Variants in GBP7 observed in about 807,000 individuals in gnomAD.
The protein encoded by GBP7 is guanylate-binding protein 7.
GBP7 carries 43 observed loss-of-function variants against 61.3 expected under a neutral mutation model. That is an observed-to-expected ratio of 0.70 (90% CI 0.55 to 0.91). The LOEUF (loss-of-function observed/expected upper bound fraction) is 0.91. Among genes scored for constraint, GBP7 ranks in the 40% least tolerant of loss-of-function variants. The pLI is 0.00. For synonymous variants in GBP7, 267 were observed against 271.0 expected (o/e 0.99, Z 0.14); for missense variants, 717 against 740.5 (o/e 0.97, Z 0.37).
chr1:89,170,741 A>G (rs1647574522), intron 2 of GBP7, among the ~76,000 whole-genome samples: 1 of 152,234 alleles, frequency 6.6e-6, no homozygotes, highest in African/African-American at 2.4e-5. Flanking sequence ...AAGGGCTTTC[A>G]TGTATACTTT....
At chr1:89,136,766 A>G (rs979882477) in intron 9 of GBP7, among the ~76,000 whole-genome samples, 5 of 152,166 alleles carry the variant, frequency 3.3e-5, no homozygotes, top group African/African-American at 1.2e-4. Context: ...ACAAAAGTGA[A>G]CCAAGCACAA....
intron 2 of GBP7, among the ~76,000 whole-genome samples, chr1:89,171,099 C>G (rs1326020587): frequency 6.6e-6 from 1 of 152,138 alleles, no homozygotes; most frequent in East Asian, 1.9e-4. Flanking sequence ...AAATCCCCTG[C>G]TTATTCCTGA....
chr1:89,143,461 A>G (rs1681997462), intron 8 of GBP7, among the ~76,000 whole-genome samples: 1 of 152,196 alleles, frequency 6.6e-6, no homozygotes, highest in Admixed American at 6.5e-5. Context: ...TTTGGACACT[A>G]CTGTTTTAGG....
At chr1:89,143,430 G>T (rs557448850) in intron 8 of GBP7, among the ~76,000 whole-genome samples, 1 of 152,294 alleles carries the variant, frequency 6.6e-6, no homozygotes, top group South Asian at 2.1e-4. Flanking sequence ...ATTTTTATCT[G>T]ATCTGAATTT....
At chr1:89,165,684 C>T (rs759256442) in intron 2 of GBP7, among the ~76,000 whole-genome samples, 17 of 151,540 alleles carry the variant, frequency 1.1e-4, no homozygotes, top group Non-Finnish European at 2.1e-4. Flanking sequence ...AACCAAACAT[C>T]ACATGTTCTC....
At chr1:89,161,234 T>C (rs1036385498) in intron 3 of GBP7, among the ~76,000 whole-genome samples, 6 of 151,084 alleles carry the variant, frequency 4.0e-5, no homozygotes, top group African/African-American at 1.2e-4. Flanking sequence ...TAATGAATAT[T>C]CACGTACACG....
At chr1:89,163,552 C>T (rs1647334734) in intron 3 of GBP7, among the ~76,000 whole-genome samples, 1 of 150,302 alleles carries the variant, frequency 6.7e-6, no homozygotes, top group Admixed American at 6.6e-5. Context: ...TAGTTTATGT[C>T]CATGGAGGTT....
chr1:89,136,876 G>A (rs1290112667), intron 9 of GBP7, among the ~76,000 whole-genome samples: 2 of 151,420 alleles, frequency 1.3e-5, no homozygotes, highest in East Asian at 3.9e-4. Flanking sequence ...TGGTTCTCTG[G>A]AAAAATACAT....
intron 2 of GBP7, among the ~76,000 whole-genome samples, chr1:89,166,377 G>A (rs1234912544): frequency 6.6e-6 from 1 of 152,180 alleles, no homozygotes; most frequent in Non-Finnish European, 1.5e-5. Flanking sequence ...CAGGAGTGGA[G>A]TAGTGAGAAT....
chr1:89,142,665 G>A (rs1196175285), intron 8 of GBP7, among the ~76,000 whole-genome samples: 1 of 152,136 alleles, frequency 6.6e-6, no homozygotes, highest in Non-Finnish European at 1.5e-5. Context: ...ACATGGGAAG[G>A]AAAAAGAGGC....
chr1:89,164,762 A>C lies in GBP7; in HGVS notation c.287T>G (p.Leu96Arg). 5 of 1,614,002 alleles carry C rather than the reference A, an allele frequency of 3.1e-6. No individual in the cohort carries two copies. The highest frequency in any genetic ancestry group is 3.4e-6 in the Non-Finnish European group (4 of 1,179,904). The part of the protein sequence containing the change: ...PSKPNHTLIL[L>R]DTEGLGDMEK... ...CATATCACCCAGGCCCTCCGTGTCCAGAAGGATCAGGGTGTGGTTTGGCTT... is the reference window on the plus strand; with the variant it reads ...CATATCACCCAGGCCCTCCGTGTCCCGAAGGATCAGGGTGTGGTTTGGCTT... The change falls in exon 3 of 11, where the codon CTG becomes CGG. Residue 96 changes from leucine to arginine, a missense_variant. This residue lies in a region of GBP7 where 387 missense variants were observed against 385.2 expected (regional missense o/e 1.00). Coordinates refer to ENST00000294671, the MANE Select transcript of GBP7 (RefSeq NM_207398.3).
In GBP7 at chr1:89,150,441, C is replaced by T; in HGVS notation, c.760G>A (p.Glu254Lys). Residue 254 changes from glutamate to lysine, a missense_variant, in exon 6 of 11, where the codon GAA (glutamate) becomes AAA (lysine). By Grantham distance (56) the Glu-to-Lys change is moderately conservative. Transcript: ENST00000294671. The stretch of plus-strand genomic sequence containing the variant: ...TGGAAATTACTATCCAGTTGGTCTT[C>T]TCGTACTTCTTCAACATGGAGTAAG... ...KLLLHVEEVR[E>K]DQLDSNFQMQ... 1 of 1,614,092 alleles carries T rather than the reference C, an allele frequency of 6.2e-7. No individual in the cohort carries two copies. Among genetic ancestry groups the T allele is most frequent in the East Asian group, 2.2e-5 (1 of 44,876 alleles).
chr1:89,165,978 C>A lies in GBP7; in HGVS notation c.191-1120G>T, dbSNP rs545453149. On this transcript the variant is annotated intron_variant, in intron 2 of 10. Transcript: ENST00000294671. ...TCTGCCATATGGGGACAGTGGGAAA[C>A]CCCCTCTATGAGTAACAAGCCCTCA... Among the ~76,000 whole-genome samples, 3 of 152,290 alleles carry A rather than the reference C, an allele frequency of 2.0e-5. No individual in the cohort carries two copies. The South Asian group carries it at 6.2e-4, about 32-fold the overall frequency.
chr1:89,133,609 A>G (rs1366263845), intron 9 of GBP7, among the ~76,000 whole-genome samples, 158 bp from the exon 10 acceptor site: 7 of 152,186 alleles, frequency 4.6e-5, no homozygotes, highest in Admixed American at 4.6e-4. Flanking sequence ...GAAGGAAGGC[A>G]TTGAGAGTTG....
At chr1:89,174,086 T>C (rs1348702551) in intron 1 of GBP7, among the ~76,000 whole-genome samples, 1 of 152,240 alleles carries the variant, frequency 6.6e-6, no homozygotes, top group Non-Finnish European at 1.5e-5. Flanking sequence ...TTAAAATCCT[T>C]TTAACATGTA....
At position 89,150,523 on chromosome 1, in the gene GBP7, A is replaced by G. The variant is rs1391350697; in HGVS notation, c.678T>C (p.His226=). The G allele has an allele frequency of 6.2e-7, 1 of 1,613,802 alleles. No individual in the cohort carries two copies. Among genetic ancestry groups the G allele is most frequent in the African/African-American group, 1.3e-5 (1 of 74,918 alleles). The part of the protein sequence containing the change: ...NSNKPREWIR[H]FFPKQKCFVF... ...CAAAGCACTTCTGTTTTGGAAAGAAATGCCTGATCCACTCCCTGGGCTTGT... is the reference window on the plus strand; with the variant it reads ...CAAAGCACTTCTGTTTTGGAAAGAAGTGCCTGATCCACTCCCTGGGCTTGT... The change falls in exon 6 of 11, where the codon CAT becomes CAC. Residue 226 remains histidine, a synonymous_variant. Coordinates refer to ENST00000294671, the MANE Select transcript of GBP7 (RefSeq NM_207398.3).
At chr1:89,160,389 T>C (rs1041285168) in intron 3 of GBP7, among the ~76,000 whole-genome samples, 12 of 152,122 alleles carry the variant, frequency 7.9e-5, no homozygotes, top group African/African-American at 2.9e-4. Flanking sequence ...CTTCCTCATA[T>C]GTGAAGATTT....
At chr1:89,161,094 A>G (rs776584427) in intron 3 of GBP7, among the ~76,000 whole-genome samples, 2 of 151,940 alleles carry the variant, frequency 1.3e-5, no homozygotes, top group Non-Finnish European at 2.9e-5. Flanking sequence ...CTCCATCCAT[A>G]CCCTGCAAAT....
Position 89,147,798 on chromosome 1 carries a change from G to C in GBP7, c.1153-19C>G, listed in dbSNP as rs749482980. On this transcript the variant is annotated intron_variant, in intron 7 of 10. Coordinates refer to ENST00000294671, the MANE Select transcript of GBP7 (RefSeq NM_207398.3). ...TGGTGTCCTGCCAGAAAAGTGTAGG[G>C]AAAAACAGTAGAAAGAAGCTGTTAG... The C allele has an allele frequency of 1.2e-6, 2 of 1,612,358 alleles. No individual in the cohort carries two copies. The highest frequency in any genetic ancestry group is 3.3e-5 in the Admixed American group (2 of 59,952).
Sources: gnomAD v4.1 joint callset for allele counts (sites outside exome capture counted in the v4.1 genomes callset) on GRCh38, gnomAD v4.1.1 for gene constraint, gnomAD v4.1.1 regional missense constraint, MANE v1.5 for transcripts, NCBI Gene and HGNC (gene_info 2026-07-23, HGNC 2026-07-21) for gene names.